Variants in ZNF717 observed in about 807,000 individuals in gnomAD.
The protein encoded by ZNF717 is krueppel-like factor X17.
A neutral mutation model predicts 13.8 loss-of-function variants in ZNF717; 9 were observed. The observed-to-expected ratio is 0.65, with a 90% CI of 0.39 to 1.14. The LOEUF (loss-of-function observed/expected upper bound fraction) is 1.14, where lower values mean the gene tolerates loss of function less well. ZNF717 is among the 50% of genes most tolerant of loss of function. The pLI, the probability that ZNF717 is intolerant of heterozygous loss-of-function variation, is 0.01. For missense variants in ZNF717, 1,040 were observed against 1,080.7 expected (o/e 0.96, Z 0.53); for synonymous variants, 327 against 364.1 (o/e 0.90, Z 1.16).
At chr3:75,703,597 T>C (rs1301950670) in intron 6 of ZNF717, among the ~76,000 whole-genome samples, 1 of 152,202 alleles carries the variant, frequency 6.6e-6, no homozygotes, top group African/African-American at 2.4e-5. Flanking sequence ...AAAATTTCTT[T>C]TGAATATCAA....
chr3:75,726,987 C>T (rs1389566740), downstream of ZNF717, among the ~76,000 whole-genome samples: 4 of 152,176 alleles, frequency 2.6e-5, no homozygotes, highest in Non-Finnish European at 5.9e-5. Flanking sequence ...AGATTATAAA[C>T]ACATGTAGAA....
At chr3:75,732,064 T>G, downstream of ZNF717, 1 of 702,898 alleles carries the variant, frequency 1.4e-6, no homozygotes, top group Non-Finnish European at 2.6e-6. Context: ...ATTTACCTCC[T>G]GGAGCTCCAC....
chr3:75,743,964 A>G (rs1305109069), intron 2 of ZNF717, among the ~76,000 whole-genome samples: 4 of 152,390 alleles, frequency 2.6e-5, no homozygotes, highest in African/African-American at 9.6e-5. Context: ...GAGAGATCAA[A>G]ACTAAAGATA....
chr3:75,701,123 G>A lies in ZNF717; in HGVS notation n.1085+10064C>T, dbSNP rs558308034. ...TCATATTGAATTGTAATCCCCAGAT[G>A]TTGAGGGAGAGACCTGGTAGAAGGT... On this transcript the variant is annotated intron_variant and non_coding_transcript_variant, in intron 6 of 6. Coordinates refer to the ZNF717 transcript ENST00000648506. Among the ~76,000 whole-genome samples, 217 of 152,040 alleles carry A rather than the reference G, an allele frequency of 1.4e-3. No individual in the cohort carries two copies. The East Asian group carries it at 0.041, about 28-fold the overall frequency.
intron 4 of ZNF717, among the ~76,000 whole-genome samples, chr3:75,722,835 T>G (rs1938196424): frequency 7.7e-6 from 1 of 130,234 alleles, no homozygotes; most frequent in African/African-American, 2.6e-5. Context: ...TTAAGTATTT[T>G]TGGCCAACTA....
At chr3:75,732,934 T>TAA (rs112938231), downstream of ZNF717, among the ~76,000 whole-genome samples, 486 of 147,484 alleles carry the variant, frequency 3.3e-3, no homozygotes, top group African/African-American at 0.011. Flanking sequence ...ACAGGGATTT[T>TAA]AAAAAAAAAT....
chr3:75,741,936 G>A, intron 2 of ZNF717, 200 bp from the exon 3 acceptor site: 1 of 629,018 alleles, frequency 1.6e-6, no homozygotes, highest in South Asian at 2.5e-5. Flanking sequence ...CAAGAATCTG[G>A]GAATTCACTC....
chr3:75,733,756 G>C (rs1278431995), downstream of ZNF717, among the ~76,000 whole-genome samples: 1 of 109,844 alleles, frequency 9.1e-6, no homozygotes, highest in African/African-American at 3.6e-5. Flanking sequence ...TCCAGCCTGG[G>C]TGACAGAGCA....
intron 6 of ZNF717, among the ~76,000 whole-genome samples, chr3:75,700,387 CATCGAA>C (rs199806919): frequency 0.15 from 22,317 of 146,932 alleles, no homozygotes; most frequent in East Asian, 0.26. Context: ...AGTGAGACAC[CATCGAA>C]AAAAAAAAAA....
chr3:75,775,212 C>A (rs148656344), intron 2 of ZNF717, among the ~76,000 whole-genome samples: 6 of 152,080 alleles, frequency 3.9e-5, no homozygotes, highest in Non-Finnish European at 7.3e-5. Flanking sequence ...GATCCACCTA[C>A]CTTGGCCTCC....
At chr3:75,734,584 C>G (rs1938917277), downstream of ZNF717, among the ~76,000 whole-genome samples, 1 of 151,098 alleles carries the variant, frequency 6.6e-6, no homozygotes, top group Admixed American at 6.6e-5. Flanking sequence ...AGACACCCAC[C>G]ACCACACCCG....
intron 2 of ZNF717, among the ~76,000 whole-genome samples, chr3:75,745,776 T>C (rs1320923201): frequency 6.6e-6 from 1 of 151,962 alleles, no homozygotes; most frequent in Non-Finnish European, 1.5e-5. Context: ...TTCATCCATG[T>C]TGTTCAAAAA....
intron 2 of ZNF717, among the ~76,000 whole-genome samples, chr3:75,765,553 G>C (rs1943396569): frequency 6.6e-6 from 1 of 152,108 alleles, no homozygotes; most frequent in South Asian, 2.1e-4. Flanking sequence ...TGGGACTACA[G>C]GTGCACACCA....
rs537492145 is a variant in ZNF717 at position 75,759,166 on chromosome 3, AT to A, written c.58-17431del. Among the ~76,000 whole-genome samples the A allele has an allele frequency of 3.7e-3, 556 of 152,172 alleles. 4 individuals are homozygous for A. The highest frequency in any genetic ancestry group is 0.013 in the African/African-American group (543 of 41,480). ...CAAAAGAAATTGTATAACTCACTTTATTGCAGTGGTCTGGAACCAAACCCAC... is the reference window on the plus strand; with the variant it reads ...CAAAAGAAATTGTATAACTCACTTTATGCAGTGGTCTGGAACCAAACCCAC... On this transcript the variant is annotated intron_variant, in intron 2 of 4. Coordinates refer to ENST00000652011, the MANE Select transcript of ZNF717 (RefSeq NM_001290208.3).
rs1575769647 is a variant in ZNF717, at chr3:75,738,829, C to T, written c.794G>A (p.Cys265Tyr). Residue 265 changes from cysteine (C) to tyrosine (Y), a missense_variant, in exon 5 of 5, where the codon TGT becomes TAT. Cys to Tyr is a radical substitution (Grantham distance 194). This residue lies in a region of ZNF717 where 873 missense variants were observed against 832.8 expected (regional missense o/e 1.05). Coordinates refer to ENST00000652011, the MANE Select transcript of ZNF717 (RefSeq NM_001290208.3). ...ATGTTTAGTGAAGTCAGACTTTCTA[C>T]AGCAAGTTGGCTGTCCTACCTGAGT... ...VITQVGQPTC[C>Y]RKSDFTKHQQ... 6 of 1,551,818 alleles carry T rather than the reference C, an allele frequency of 3.9e-6. No homozygotes were observed. Among genetic ancestry groups the T allele is most frequent in the Non-Finnish European group, 5.2e-6 (6 of 1,147,188 alleles).
At chr3:75,730,347 A>T in exon 6 of ZNF717, 1 of 334,106 alleles carries the variant, frequency 3.0e-6, no homozygotes, top group Non-Finnish European at 5.2e-6. Context: ...ATAGGGAAGC[A>T]ATAGTTAAAA....
At chr3:75,755,734 G>C (rs1052013342) in intron 2 of ZNF717, among the ~76,000 whole-genome samples, 1 of 152,178 alleles carries the variant, frequency 6.6e-6, no homozygotes, top group South Asian at 2.1e-4. Flanking sequence ...AAAAAAAGAA[G>C]TACATGCTAA....
intron 6 of ZNF717, among the ~76,000 whole-genome samples, chr3:75,694,944 C>T (rs1490399638): frequency 6.6e-6 from 1 of 151,884 alleles, no homozygotes; most frequent in Non-Finnish European, 1.5e-5. Flanking sequence ...GGACAAAAAT[C>T]AATCAGAAAA....
At chr3:75,696,207 CCTA>C (rs1937600772) in intron 6 of ZNF717, among the ~76,000 whole-genome samples, 1 of 132,208 alleles carries the variant, frequency 7.6e-6, no homozygotes, top group Non-Finnish European at 1.6e-5. Flanking sequence ...AATTAGAAAA[CCTA>C]CAGGAAATTA....
Sources: gnomAD v4.1 joint callset for allele counts (sites outside exome capture counted in the v4.1 genomes callset) on GRCh38, gnomAD v4.1.1 for gene constraint, gnomAD v4.1.1 regional missense constraint, MANE v1.5 for transcripts, NCBI Gene and HGNC (gene_info 2026-07-23, HGNC 2026-07-21) for gene names.